AKAP6: variants seen among roughly 807,000 people sequenced by gnomAD.
The protein encoded by AKAP6 is A-kinase anchor protein 6.
A neutral mutation model predicts 188.5 loss-of-function variants in AKAP6; 58 were observed. That is an observed-to-expected ratio of 0.31 (90% CI 0.25 to 0.38). The LOEUF is 0.38. AKAP6 is among the 10% of genes least tolerant of loss of function. The pLI is 1.00. For missense variants in AKAP6, 2,710 were observed against 2,740.0 expected (o/e 0.99, Z 0.24); for synonymous variants, 989 against 998.6 (o/e 0.99, Z 0.18).
chr14:32,702,996 A>C (rs558261423), intron 9 of AKAP6, among the ~76,000 whole-genome samples: 1 of 152,340 alleles, frequency 6.6e-6, no homozygotes, highest in South Asian at 2.1e-4. Context: ...AAATGAGTAC[A>C]TTAATTTTAG....
At chr14:32,372,047 TTGTAC>T (rs531314884) in intron 1 of AKAP6, among the ~76,000 whole-genome samples, 61 of 152,174 alleles carry the variant, frequency 4.0e-4, no homozygotes, top group African/African-American at 1.4e-3. Context: ...TATTCCTTAA[TTGTAC>T]TGTGCCCTGG....
chr14:32,441,698 C>A (rs899413794), intron 2 of AKAP6, among the ~76,000 whole-genome samples: 1 of 152,104 alleles, frequency 6.6e-6, no homozygotes, highest in Non-Finnish European at 1.5e-5. Flanking sequence ...TAGCCACATG[C>A]ACTAATGTAT....
chr14:32,826,555 A>G (rs1295843325), intron 13 of AKAP6, among the ~76,000 whole-genome samples: 2 of 152,218 alleles, frequency 1.3e-5, no homozygotes, highest in Non-Finnish European at 2.9e-5. Context: ...CACTCTGAGC[A>G]TGACATCATG....
At chr14:32,553,870 G>A (rs1227583608) in intron 4 of AKAP6, among the ~76,000 whole-genome samples, 1 of 152,202 alleles carries the variant, frequency 6.6e-6, no homozygotes, top group Non-Finnish European at 1.5e-5. Context: ...AATTACTAGA[G>A]CATCTTAGGT....
chr14:32,597,114 T>G (rs548220954), intron 5 of AKAP6, among the ~76,000 whole-genome samples: 7 of 152,328 alleles, frequency 4.6e-5, no homozygotes, highest in African/African-American at 1.7e-4. Context: ...CCTAATCAAA[T>G]GCTTCCATGT....
At chr14:32,741,430 C>G (rs1030028546) in intron 11 of AKAP6, among the ~76,000 whole-genome samples, 3 of 152,008 alleles carry the variant, frequency 2.0e-5, no homozygotes, top group African/African-American at 7.2e-5. Context: ...ACATTCTTGC[C>G]ATGTTCCAAA....
intron 7 of AKAP6, among the ~76,000 whole-genome samples, chr14:32,629,511 A>G (rs770537246): frequency 2.0e-5 from 3 of 150,788 alleles, no homozygotes; most frequent in Admixed American, 6.6e-5. Context: ...TTTTCCCCCA[A>G]GAGCCTGTAG....
At chr14:32,810,923 T>C (rs1158088557) in intron 12 of AKAP6, among the ~76,000 whole-genome samples, 3 of 152,158 alleles carry the variant, frequency 2.0e-5, no homozygotes, top group African/African-American at 7.2e-5. Flanking sequence ...AAGACAAGTT[T>C]CCTTGACAGG....
intron 7 of AKAP6, among the ~76,000 whole-genome samples, chr14:32,645,001 A>G (rs909396841): frequency 6.6e-6 from 1 of 152,180 alleles, no homozygotes; most frequent in African/African-American, 2.4e-5. Flanking sequence ...TCTCTCATTT[A>G]TGGATTTATT....
At chr14:32,512,389 A>G (rs1881304574) in intron 2 of AKAP6, among the ~76,000 whole-genome samples, 2 of 152,192 alleles carry the variant, frequency 1.3e-5, no homozygotes, top group Admixed American at 1.3e-4. Flanking sequence ...TACTTTATAG[A>G]CGAAATTAAT....
intron 2 of AKAP6, among the ~76,000 whole-genome samples, chr14:32,459,413 GT>G (rs1433358844): frequency 3.9e-5 from 6 of 151,968 alleles, no homozygotes; most frequent in Non-Finnish European, 7.4e-5. Flanking sequence ...AAGGGATAAG[GT>G]TTTGAGAAAA....
chr14:32,582,329 C>G (rs1221422275), intron 5 of AKAP6, among the ~76,000 whole-genome samples: 1 of 151,812 alleles, frequency 6.6e-6, no homozygotes, highest in Non-Finnish European at 1.5e-5. Flanking sequence ...GGCCCCCACT[C>G]TCTTCTGGCT....
chr14:32,551,908 C>T (rs1312607627), intron 4 of AKAP6, among the ~76,000 whole-genome samples: 3 of 151,860 alleles, frequency 2.0e-5, no homozygotes, highest in Non-Finnish European at 1.5e-5. Flanking sequence ...CCTTGTGATC[C>T]GCCGGCCTCG....
At chr14:32,691,238 T>C (rs138034832) in intron 8 of AKAP6, among the ~76,000 whole-genome samples, 451 of 152,262 alleles carry the variant, frequency 3.0e-3, no homozygotes, top group Non-Finnish European at 3.8e-3. Context: ...CAAGAGAAGA[T>C]CCTGGTTCTG....
intron 9 of AKAP6, among the ~76,000 whole-genome samples, chr14:32,698,745 G>C (rs922789334): frequency 2.0e-5 from 3 of 152,022 alleles, no homozygotes; most frequent in Admixed American, 1.3e-4. Context: ...AAACGTTATT[G>C]AACAAACACT....
intron 1 of AKAP6, among the ~76,000 whole-genome samples, chr14:32,346,069 G>A (rs191885371): frequency 2.0e-5 from 3 of 152,018 alleles, no homozygotes; most frequent in Non-Finnish European, 4.4e-5. Flanking sequence ...CACCCCAAAG[G>A]TTTGCCTTGC....
intron 7 of AKAP6, among the ~76,000 whole-genome samples, chr14:32,615,237 G>T (rs1287952576): frequency 4.7e-5 from 7 of 149,352 alleles, no homozygotes; most frequent in Non-Finnish European, 8.9e-5. Flanking sequence ...CTTTCACAAG[G>T]GTAACAAGCT....
intron 1 of AKAP6, among the ~76,000 whole-genome samples, chr14:32,423,941 G>T (rs1889943297): frequency 6.6e-6 from 1 of 152,112 alleles, no homozygotes; most frequent in Non-Finnish European, 1.5e-5. Context: ...AATGGAGTAG[G>T]TAGGACAGAG....
At chr14:32,629,870 C>T (rs775227007) in intron 7 of AKAP6, among the ~76,000 whole-genome samples, 25 of 151,230 alleles carry the variant, frequency 1.7e-4, no homozygotes, top group Non-Finnish European at 3.1e-4. Flanking sequence ...AGGCCAGGAC[C>T]GGCCTGGGCA....
Sources: gnomAD v4.1 joint callset for allele counts (sites outside exome capture counted in the v4.1 genomes callset) on GRCh38, gnomAD v4.1.1 for gene constraint, MANE v1.5 for transcripts, NCBI Gene and HGNC (gene_info 2026-07-23, HGNC 2026-07-21) for gene names.